Variants in THADA observed in about 807,000 individuals in gnomAD.
The protein encoded by THADA is tRNA (32-2'-O)-methyltransferase regulator THADA.
In THADA, 213 loss-of-function variants were observed where a neutral mutation model predicts 219.8. That is an observed-to-expected ratio of 0.97 (90% CI 0.87 to 1.09). The LOEUF (loss-of-function observed/expected upper bound fraction) is 1.09, where lower values mean the gene tolerates loss of function less well. Ranked by LOEUF, THADA falls within the 50% of genes least tolerant of loss-of-function variation. THADA has a pLI of 0.00. For missense variants in THADA, 2,956 were observed against 2,311.3 expected, an observed-to-expected ratio of 1.28 and a Z score of -5.72; for synonymous variants, 1,018 against 828.9, an observed-to-expected ratio of 1.23 and a Z score of -3.92.
At chr2:43,514,191 T>A (rs949181242) in intron 22 of THADA, among the ~76,000 whole-genome samples, 5 of 151,840 alleles carry the variant, frequency 3.3e-5, no homozygotes, top group African/African-American at 1.2e-4. Context: ...GGCTCACGCC[T>A]GTAATCCCAG....
chr2:43,572,448 C>T (rs1699401430), intron 12 of THADA, among the ~76,000 whole-genome samples: 2 of 152,214 alleles, frequency 1.3e-5, no homozygotes, highest in African/African-American at 4.8e-5. Flanking sequence ...TGCTCCAAGG[C>T]TTCCTCTTTT....
At chr2:43,439,421 C>G (rs1680567360) in intron 26 of THADA, among the ~76,000 whole-genome samples, 1 of 152,128 alleles carries the variant, frequency 6.6e-6, no homozygotes, top group Non-Finnish European at 1.5e-5. Flanking sequence ...CTCATGCTGT[C>G]CCACTCCATT....
At position 43,551,922 on chromosome 2, in the gene THADA, G is replaced by C. The variant is rs750176984; in HGVS notation, c.2814C>G (p.Ser938Arg). Residue 938 changes from serine to arginine, a missense_variant, in exon 19 of 38, where the codon AGC becomes AGG. Physicochemically the swap from Ser to Arg is moderately radical, Grantham distance 110. Transcript: ENST00000405975. ...TGALQKLSLN[S>R]LQLVSEWRPV... ...GTCTCCACTCGCTCACCAACTGCAG[G>C]CTGCTGCAACAAGGACATTAGGGAA... 28 of 1,607,420 alleles carry C rather than the reference G, an allele frequency of 1.7e-5. No individual in the cohort carries two copies. The Admixed American group carries it at 3.8e-4, about 22-fold the overall frequency.
At position 43,249,116 on chromosome 2, in the gene THADA, C is replaced by A. The variant is rs190732286; in HGVS notation, c.5297-16234G>T. ...CTTTTTTTTTTGAGATGGGGTCTAA[C>A]TATGTTGCCCAGGCTGGGTGGAGTG... is the stretch of plus-strand genomic sequence containing the variant. On this transcript the variant is annotated intron_variant, in intron 36 of 37. Transcript: ENST00000405975. 1.9e-3 allele frequency among the ~76,000 whole-genome samples: 296 copies of A among 152,024 alleles called. 5 individuals are homozygous for A. The highest frequency in any genetic ancestry group is 5.6e-4 in the Non-Finnish European group (38 of 67,966).
chr2:43,489,954 C>T (rs1000477497), intron 25 of THADA, among the ~76,000 whole-genome samples: 2 of 147,684 alleles, frequency 1.4e-5, no homozygotes, highest in African/African-American at 2.5e-5. Context: ...TTGGGGAATA[C>T]GTCATCTTAA....
chr2:43,369,265 G>C (rs1357548255), intron 29 of THADA, among the ~76,000 whole-genome samples: 1 of 152,158 alleles, frequency 6.6e-6, no homozygotes, highest in African/African-American at 2.4e-5. Flanking sequence ...CCTTACTCAT[G>C]TCTTCCTGCC....
chr2:43,366,546 G>C (rs1670179499), intron 29 of THADA, among the ~76,000 whole-genome samples: 1 of 152,066 alleles, frequency 6.6e-6, no homozygotes, highest in Admixed American at 6.6e-5. Flanking sequence ...GAGAGGAGGA[G>C]GTAGCCAAAA....
In THADA at chr2:43,576,148, G is replaced by A. The variant is rs548909948; in HGVS notation, c.1037+874C>T. On this transcript the variant is annotated intron_variant, in intron 10 of 37. Coordinates refer to ENST00000405975, the MANE Select transcript of THADA (RefSeq NM_022065.5). ...AAAATTAATTTTAGAAATGCTGGTG[G>A]TTGTACAACTCTGTGAATAAACTAA... is the stretch of plus-strand genomic sequence containing the variant. 3.2e-4 allele frequency among the ~76,000 whole-genome samples: 49 copies of A among 152,222 alleles called. 1 individual carries two copies. The highest frequency in any genetic ancestry group is 3.4e-3 in the Middle Eastern group (1 of 294).
intron 31 of THADA, among the ~76,000 whole-genome samples, chr2:43,308,627 A>G (rs532440894): frequency 1.5e-4 from 23 of 152,210 alleles, no homozygotes; most frequent in Middle Eastern, 3.4e-3. Flanking sequence ...TCCTAAGCCC[A>G]GGAGTTTCAG....
intron 36 of THADA, among the ~76,000 whole-genome samples, chr2:43,267,851 A>C (rs6712357): frequency 0.03 from 4,521 of 152,316 alleles, 237 homozygotes; most frequent in African/African-American, 0.1. Flanking sequence ...CTTCTCTTAC[A>C]GATGCCAAAT....
At chr2:43,294,180 G>T (rs1477559780) in intron 31 of THADA, among the ~76,000 whole-genome samples, 2 of 152,020 alleles carry the variant, frequency 1.3e-5, no homozygotes, top group South Asian at 2.1e-4. Context: ...CATTTGCCGA[G>T]ATCTTTTCAT....
intron 28 of THADA, 110 bp from the exon 29 acceptor site, chr2:43,398,249 G>C (rs1476327028): frequency 2.6e-6 from 3 of 1,157,114 alleles, no homozygotes; most frequent in East Asian, 4.8e-5. Context: ...GGGTTAGGGG[G>C]AGACAGGAGC....
chr2:43,428,273 G>T (rs376516519), intron 27 of THADA, 42 bp from the exon 28 acceptor site: 402 of 1,536,358 alleles, frequency 2.6e-4, no homozygotes, highest in Non-Finnish European at 3.4e-4. Context: ...TCACATTTAG[G>T]TAGTGAAGCA....
chr2:43,445,728 C>A (rs778710871), intron 26 of THADA, among the ~76,000 whole-genome samples: 1 of 152,098 alleles, frequency 6.6e-6, no homozygotes. Flanking sequence ...GCTAAGAGTG[C>A]GGTAGCACAG....
At chr2:43,589,353 G>C (rs1701316826) in intron 4 of THADA, among the ~76,000 whole-genome samples, 1 of 152,194 alleles carries the variant, frequency 6.6e-6, no homozygotes, top group Admixed American at 6.5e-5. Flanking sequence ...ATTATGTTAA[G>C]TGAAATAAGT....
intron 29 of THADA, among the ~76,000 whole-genome samples, chr2:43,369,352 T>A (rs1238013034): frequency 6.6e-6 from 1 of 152,226 alleles, no homozygotes; most frequent in Non-Finnish European, 1.5e-5. Flanking sequence ...GAACACCTTT[T>A]GTCCATTAAA....
rs1364500272 is a variant in THADA, at chr2:43,593,079, TGCA to T, written c.-24-666_-24-664del. ...AAATGTCATAGGGCTCTTCTCTTGATGCAGTTAGCATCTTTAGCAGTATTTATG... is the reference window on the plus strand; with the variant it reads ...AAATGTCATAGGGCTCTTCTCTTGATGTTAGCATCTTTAGCAGTATTTATG... On this transcript the variant is annotated intron_variant, in intron 1 of 37. Coordinates refer to ENST00000405975, the MANE Select transcript of THADA (RefSeq NM_022065.5). Among the ~76,000 whole-genome samples, 3 of 152,328 alleles carry T rather than the reference TGCA, an allele frequency of 2.0e-5. No individual in the cohort carries two copies. In the East Asian group the frequency reaches 5.8e-4, roughly 29 times the overall value.
intron 29 of THADA, among the ~76,000 whole-genome samples, chr2:43,367,422 G>A (rs1446437630): frequency 6.6e-6 from 1 of 151,938 alleles, no homozygotes; most frequent in Non-Finnish European, 1.5e-5. Flanking sequence ...TAATATTTTT[G>A]GGTCATGTTT....
intron 29 of THADA, among the ~76,000 whole-genome samples, chr2:43,387,684 T>C (rs572744125): frequency 3.3e-5 from 5 of 152,168 alleles, no homozygotes; most frequent in East Asian, 1.9e-4. Context: ...CTAGGGGACA[T>C]AGGGAAATGT....
Sources: gnomAD v4.1 joint callset for allele counts (sites outside exome capture counted in the v4.1 genomes callset) on GRCh38, gnomAD v4.1.1 for gene constraint, MANE v1.5 for transcripts, NCBI Gene and HGNC (gene_info 2026-07-23, HGNC 2026-07-21) for gene names.